RBFOX1: variants seen among roughly 807,000 people sequenced by gnomAD.
The protein encoded by RBFOX1 is RNA binding protein fox-1 homolog 1.
RBFOX1 carries 8 observed loss-of-function variants against 57.7 expected under a neutral mutation model. That is an observed-to-expected ratio of 0.14 (90% CI 0.08 to 0.25). RBFOX1 has a LOEUF of 0.25. RBFOX1 is among the 10% of genes least tolerant of loss of function. The pLI is 1.00. For missense variants in RBFOX1, 611 were observed against 548.5 expected, an observed-to-expected ratio of 1.11 and a Z score of -1.14; for synonymous variants, 326 against 222.4, an observed-to-expected ratio of 1.47 and a Z score of -4.15.
At chr16:7,109,552 A>C (rs560027250) in intron 4 of RBFOX1, among the ~76,000 whole-genome samples, 2 of 152,248 alleles carry the variant, frequency 1.3e-5, no homozygotes, top group East Asian at 3.9e-4. Flanking sequence ...AGGTCTCTGC[A>C]GTTGGAAGCT....
In RBFOX1 at chr16:6,485,421, G is replaced by A. The variant is rs565346766; in HGVS notation, c.-64+168364G>A. ...CCTTATCCCATTTTTTTTCATCTAC[G>A]TGTATTTCTTTCCATCTTTCTGTCT... On this transcript the variant is annotated intron_variant, in intron 2 of 15. Coordinates refer to ENST00000550418, the MANE Select transcript of RBFOX1 (RefSeq NM_018723.4). 4.2e-4 allele frequency among the ~76,000 whole-genome samples: 64 copies of A among 151,368 alleles called. 1 individual carries two copies. The highest frequency in any genetic ancestry group is 8.4e-4 in the Non-Finnish European group (57 of 67,926).
intron 1 of RBFOX1, among the ~76,000 whole-genome samples, chr16:6,253,368 A>G (rs866646887): frequency 2.0e-5 from 3 of 152,166 alleles, no homozygotes; most frequent in African/African-American, 7.2e-5. Flanking sequence ...GGGCTACGCA[A>G]CTTGCATGCA....
At chr16:7,460,389 A>ATATATATATGTGTGTGTG in intron 4 of RBFOX1, among the ~76,000 whole-genome samples, 4 of 87,264 alleles carry the variant, frequency 4.6e-5, no homozygotes, top group African/African-American at 2.6e-4. Context: ...ATATATATAT[A>ATATATATATGTGTGTGTG]TGTGTGTGTG....
rs76838368 is a variant in RBFOX1 at position 7,107,143 on chromosome 16, A to T, written c.27+55045A>T. Among the ~76,000 whole-genome samples, 10 of 152,098 alleles carry T rather than the reference A, an allele frequency of 6.6e-5. No individual in the cohort carries two copies. The South Asian group carries it at 2.1e-3, about 31-fold the overall frequency. On this transcript the variant is annotated intron_variant, in intron 4 of 15. Transcript: ENST00000550418. ...ATGCAAAGAGTCAGAATGCAAGAAC[A>T]TTGTATCCAGGGAGAACAGAAAGTG... is the stretch of plus-strand genomic sequence containing the variant.
chr16:7,606,396 C>T (rs940144431), intron 9 of RBFOX1, among the ~76,000 whole-genome samples: 1 of 152,168 alleles, frequency 6.6e-6, no homozygotes, highest in African/African-American at 2.4e-5. Context: ...GTTGGGACTA[C>T]AGGCATGAGC....
chr16:7,224,127 TAAAAAAAAAAAAAA>T (rs1168449932), intron 4 of RBFOX1, among the ~76,000 whole-genome samples: 8 of 52,264 alleles, frequency 1.5e-4, no homozygotes, highest in Non-Finnish European at 2.6e-4. Context: ...TTCCTTTTTC[TAAAAAAAAAAAAAA>T]AAAAAAAAAA....
intron 1 of RBFOX1, among the ~76,000 whole-genome samples, chr16:6,052,376 A>G (rs2095561257): frequency 6.6e-6 from 1 of 152,140 alleles, no homozygotes; most frequent in South Asian, 2.1e-4. Context: ...GATGACTTCC[A>G]CTGACCTTGG....
At chr16:6,525,319 T>C (rs1468415937) in intron 2 of RBFOX1, among the ~76,000 whole-genome samples, 1 of 152,180 alleles carries the variant, frequency 6.6e-6, no homozygotes, top group Non-Finnish European at 1.5e-5. Context: ...TGTTAGAGTT[T>C]GGAGAAGTGC....
intron 3 of RBFOX1, among the ~76,000 whole-genome samples, chr16:6,823,474 C>G (rs1017930644): frequency 1.3e-5 from 2 of 152,126 alleles, no homozygotes; most frequent in Admixed American, 6.5e-5. Context: ...CCACGCTAGT[C>G]TCAAACTACT....
At chr16:5,506,071 G>C in intron 2 of RBFOX1, among the ~76,000 whole-genome samples, 1 of 152,154 alleles carries the variant, frequency 6.6e-6, no homozygotes, top group Admixed American at 6.5e-5. Context: ...CACCAGAAAT[G>C]AGGAGCCCTT....
At chr16:6,948,661 C>A (rs143695702) in intron 3 of RBFOX1, among the ~76,000 whole-genome samples, 1 of 152,120 alleles carries the variant, frequency 6.6e-6, no homozygotes, top group African/African-American at 2.4e-5. Context: ...GGATTACAAG[C>A]GTGAGCCACC....
intron 2 of RBFOX1, among the ~76,000 whole-genome samples, chr16:6,528,411 C>A (rs1455506316): frequency 6.6e-6 from 1 of 152,188 alleles, no homozygotes; most frequent in African/African-American, 2.4e-5. Context: ...AATGCACAGT[C>A]ATTGCAGAGC....
intron 14 of RBFOX1, among the ~76,000 whole-genome samples, chr16:7,702,476 A>G (rs2081068336): frequency 6.6e-6 from 1 of 152,176 alleles, no homozygotes. Context: ...ATTTTCATTT[A>G]GTGACGAGTA....
intron 3 of RBFOX1, among the ~76,000 whole-genome samples, chr16:6,974,862 C>T (rs1003642323): frequency 6.6e-6 from 1 of 152,132 alleles, no homozygotes; most frequent in Admixed American, 6.5e-5. Context: ...TCAGTGCTCC[C>T]TGGAAGGTGT....
intron 4 of RBFOX1, among the ~76,000 whole-genome samples, chr16:7,486,287 A>G (rs1427172258): frequency 1.3e-5 from 2 of 149,792 alleles, no homozygotes; most frequent in Non-Finnish European, 3.0e-5. Context: ...ACCTGCCACC[A>G]CGCCTGGTTC....
At chr16:6,155,186 C>A (rs1420309103) in intron 1 of RBFOX1, among the ~76,000 whole-genome samples, 1 of 152,148 alleles carries the variant, frequency 6.6e-6, no homozygotes, top group Non-Finnish European at 1.5e-5. Flanking sequence ...TGAGTCCTTC[C>A]CATTGACTGC....
intron 1 of RBFOX1, among the ~76,000 whole-genome samples, chr16:5,324,321 G>A (rs545066225): frequency 6.6e-6 from 1 of 152,230 alleles, no homozygotes; most frequent in South Asian, 2.1e-4. Context: ...AAATTAGCTG[G>A]GCATGGTGGT....
At chr16:6,683,900 G>A (rs1427659351) in intron 3 of RBFOX1, among the ~76,000 whole-genome samples, 1 of 152,218 alleles carries the variant, frequency 6.6e-6, no homozygotes. Flanking sequence ...GGTTGTAAGA[G>A]TAGAGGGAGA....
chr16:5,286,530 C>T (rs530436532), intron 1 of RBFOX1, among the ~76,000 whole-genome samples: 6 of 152,246 alleles, frequency 3.9e-5, no homozygotes, highest in African/African-American at 9.6e-5. Context: ...TTCAGAAAAC[C>T]TGAGCATATG....
Sources: allele counts gnomAD v4.1 joint callset (sites outside exome capture counted in the v4.1 genomes callset), GRCh38; gene constraint gnomAD v4.1.1; transcripts MANE v1.5; gene names NCBI Gene and HGNC (gene_info 2026-07-23, HGNC 2026-07-21).